The following AMMECR1 variants were observed in gnomAD, a reference collection of about 807,000 sequenced individuals.
AMMECR1 encodes AMMECR nuclear protein 1, also known as nuclear protein AMMECR1.
AMMECR1 carries 3 observed loss-of-function variants against 22.5 expected under a neutral mutation model. The ratio of observed to expected loss-of-function variants is 0.13; its 90% confidence interval spans 0.06 to 0.35. The LOEUF (loss-of-function observed/expected upper bound fraction) is 0.35, where lower values mean the gene tolerates loss of function less well. AMMECR1 is among the 10% of genes least tolerant of loss of function. AMMECR1 has a pLI of 1.00. For missense variants in AMMECR1, 235 were observed against 278.7 expected (o/e 0.84, Z 1.12); for synonymous variants, 130 against 116.7 (o/e 1.11, Z -0.74).
At chrX:110,236,766 C>T (rs1172142678) in intron 2 of AMMECR1, among the ~76,000 whole-genome samples, 1 of 112,026 alleles carries the variant, frequency 8.9e-6, no homozygotes, top group African/African-American at 3.2e-5. Flanking sequence ...TCAGTGTTCC[C>T]CTACATTCAA....
intron 3 of AMMECR1, among the ~76,000 whole-genome samples, chrX:110,214,567 G>C (rs1411609112): frequency 1.8e-5 from 2 of 111,966 alleles, no homozygotes; most frequent in Non-Finnish European, 1.9e-5. Context: ...GCTGTAGATA[G>C]TGCTTTAACT....
At chrX:110,225,798 T>C (rs1376298183) in intron 2 of AMMECR1, among the ~76,000 whole-genome samples, 5 of 111,616 alleles carry the variant, frequency 4.5e-5, no homozygotes, top group African/African-American at 1.3e-4. Context: ...TGAAATATGT[T>C]ACAATATGCC....
At chrX:110,319,098 C>T (rs1193420065), upstream of AMMECR1, among the ~76,000 whole-genome samples, 2 of 112,235 alleles carry the variant, frequency 1.8e-5, no homozygotes, top group Non-Finnish European at 3.8e-5. Flanking sequence ...ATAATTAGCT[C>T]TTAATATTCA....
At chrX:110,301,620 C>G (rs2067967412) in intron 1 of AMMECR1, among the ~76,000 whole-genome samples, 1 of 111,426 alleles carries the variant, frequency 9.0e-6, no homozygotes, top group African/African-American at 3.3e-5. Flanking sequence ...AGTCTAGAGT[C>G]CAAGGATAGA....
rs186746895 is a variant in AMMECR1 at position 110,263,949 on chromosome X, G to C, written c.584+540C>G. Among the ~76,000 whole-genome samples, 14 of 111,877 alleles carry C rather than the reference G, an allele frequency of 1.3e-4. No homozygotes were observed. In the Admixed American group the frequency reaches 1.3e-3, roughly 11 times the overall value. ...AACAACTGTAATGAGGAATTACTTTGTCCTTTTATTAGATAAAAGAAAATA... is the reference window on the plus strand; with the variant it reads ...AACAACTGTAATGAGGAATTACTTTCTCCTTTTATTAGATAAAAGAAAATA... On this transcript the variant is annotated intron_variant, in intron 2 of 5. Coordinates refer to ENST00000262844, the MANE Select transcript of AMMECR1 (RefSeq NM_015365.3).
At chrX:110,335,367 T>C (rs1465298992) in intron 2 of AMMECR1, among the ~76,000 whole-genome samples, 1 of 111,550 alleles carries the variant, frequency 9.0e-6, no homozygotes, top group Non-Finnish European at 1.9e-5. Context: ...AAAAATGCCA[T>C]GTAGTTATGT....
In AMMECR1 at chrX:110,306,056, C is replaced by T. The variant is rs779111906; in HGVS notation, c.473+11543G>A. Among the ~76,000 whole-genome samples, 165 of 110,573 alleles carry T rather than the reference C, an allele frequency of 1.5e-3. 2 individuals are homozygous for T. Among genetic ancestry groups the T allele is most frequent in the Admixed American group, 0.014 (149 of 10,443 alleles). On this transcript the variant is annotated intron_variant, in intron 1 of 5. Transcript: ENST00000262844. ...CAGCACTTTGGGAGGCCGAGGCAGG[C>T]GGATCACGAGGTCAGGAGATCGAGA...
chrX:110,263,003 G>A (rs892140527), intron 2 of AMMECR1, among the ~76,000 whole-genome samples: 1 of 111,444 alleles, frequency 9.0e-6, no homozygotes, highest in Non-Finnish European at 1.9e-5. Flanking sequence ...TTTAACCAGT[G>A]TTTCCCAAAC....
intron 2 of AMMECR1, chrX:110,346,888 C>A: frequency 1.6e-6 from 1 of 618,361 alleles, no homozygotes; most frequent in East Asian, 3.3e-5. Flanking sequence ...TTCGTAGCGG[C>A]GACGCTGGAG....
chrX:110,399,098 T>C (rs1012910902), intron 2 of AMMECR1, among the ~76,000 whole-genome samples: 3 of 112,308 alleles, frequency 2.7e-5, no homozygotes, highest in African/African-American at 9.7e-5. Context: ...ACTCATGGTC[T>C]CTTGTTCTTT....
chrX:110,363,645 T>C (rs73636959), intron 2 of AMMECR1, among the ~76,000 whole-genome samples: 4,164 of 111,520 alleles, frequency 0.037, 180 homozygotes, highest in African/African-American at 0.13. Context: ...GTTGCTTTTA[T>C]TACTCTGTGC....
intron 2 of AMMECR1, among the ~76,000 whole-genome samples, chrX:110,412,970 A>AG (rs200866805): frequency 0.039 from 4,314 of 111,905 alleles, 215 homozygotes; most frequent in African/African-American, 0.14. Flanking sequence ...AAAGATGTAA[A>AG]GGGAAAAAAA....
intron 2 of AMMECR1, among the ~76,000 whole-genome samples, chrX:110,349,859 C>T (rs1473089517): frequency 1.8e-5 from 2 of 111,311 alleles, no homozygotes; most frequent in African/African-American, 6.5e-5. Flanking sequence ...TTGAATGAAC[C>T]CAGGCAGTCT....
intron 1 of AMMECR1, among the ~76,000 whole-genome samples, chrX:110,435,871 A>G (rs926986310): frequency 1.8e-5 from 2 of 112,628 alleles, no homozygotes; most frequent in East Asian, 5.5e-4. Flanking sequence ...TACACAGGTT[A>G]CATGAAGTAA....
rs57937918 is a variant in AMMECR1, at chrX:110,387,857, CTTTTTTTTTTT to C, written c.-148+38790_-148+38800del. Among the ~76,000 whole-genome samples, 5 of 82,799 alleles carry C rather than the reference CTTTTTTTTTTT, an allele frequency of 6.0e-5. No homozygotes were observed. The East Asian group carries it at 1.7e-3, about 29-fold the overall frequency. The allele number at this position is 82,799 out of a possible 115,157, so 71.9% of individuals were successfully genotyped here. On this transcript the variant is annotated intron_variant, in intron 2 of 7. Transcript: ENST00000372057. The stretch of plus-strand genomic sequence containing the variant: ...TGATATGATCGTTATCTCCCTCTCT[CTTTTTTTTTTT>C]TTTTTTTTTTTGAGACGGTGTCTCA...
At chrX:110,324,680 T>G (rs1284675770) in intron 2 of AMMECR1, among the ~76,000 whole-genome samples, 2 of 108,237 alleles carry the variant, frequency 1.8e-5, no homozygotes, top group African/African-American at 3.4e-5. Flanking sequence ...TCATGACAGG[T>G]TGGATTTTTT....
At chrX:110,372,096 C>G (rs906701815) in intron 2 of AMMECR1, among the ~76,000 whole-genome samples, 7 of 111,393 alleles carry the variant, frequency 6.3e-5, no homozygotes, top group Non-Finnish European at 1.9e-5. Flanking sequence ...TAGCTATTCC[C>G]CCACCTCTTT....
chrX:110,402,538 G>A (rs1268461963), intron 2 of AMMECR1, among the ~76,000 whole-genome samples: 1 of 112,740 alleles, frequency 8.9e-6, no homozygotes, highest in South Asian at 3.7e-4. Context: ...AGCTGACTGA[G>A]AGCTGTGTCC....
chrX:110,225,024 T>C, intron 2 of AMMECR1: 1 of 373,848 alleles, frequency 2.7e-6, no homozygotes, highest in South Asian at 2.4e-5. Context: ...CACTACCACA[T>C]GGGGATTGGC....
Sources: allele counts gnomAD v4.1 joint callset (sites outside exome capture counted in the v4.1 genomes callset), GRCh38; gene constraint gnomAD v4.1.1; transcripts MANE v1.5; gene names NCBI Gene and HGNC (gene_info 2026-07-23, HGNC 2026-07-21).